Variants in EPHA6 observed in about 807,000 individuals in gnomAD.
EPHA6 encodes the protein EPH receptor A6, also known as ephrin type-A receptor 6.
EPHA6 carries 50 observed loss-of-function variants against 112.0 expected under a neutral mutation model. That is an observed-to-expected ratio of 0.45 (90% CI 0.36 to 0.56). The LOEUF is 0.56. Among genes scored for constraint, EPHA6 ranks in the 20% least tolerant of loss-of-function variants. The pLI, the probability that EPHA6 is intolerant of heterozygous loss-of-function variation, is 0.00. For synonymous variants in EPHA6, 529 were observed against 490.7 expected (o/e 1.08, Z -1.03); for missense variants, 1,280 against 1,417.4 (o/e 0.90, Z 1.56).
chr3:97,739,767 T>C (rs2035422917), intron 16 of EPHA6, among the ~76,000 whole-genome samples: 1 of 152,156 alleles, frequency 6.6e-6, no homozygotes, highest in South Asian at 2.1e-4. Flanking sequence ...GGCAGTATTA[T>C]AAGTATAACC....
At chr3:96,890,308 C>T (rs1445502718) in intron 2 of EPHA6, among the ~76,000 whole-genome samples, 1 of 151,886 alleles carries the variant, frequency 6.6e-6, no homozygotes, top group African/African-American at 2.4e-5. Flanking sequence ...TCCCACAAAC[C>T]AACAAGAAGA....
intron 3 of EPHA6, among the ~76,000 whole-genome samples, chr3:97,219,397 A>G (rs1020744167): frequency 8.5e-5 from 13 of 152,116 alleles, no homozygotes; most frequent in African/African-American, 2.4e-4. Context: ...TAATCCAGGC[A>G]TTTCCATACA....
intron 2 of EPHA6, among the ~76,000 whole-genome samples, chr3:96,942,001 G>A (rs547358892): frequency 9.2e-5 from 14 of 152,296 alleles, no homozygotes; most frequent in Non-Finnish European, 1.0e-4. Flanking sequence ...GTATGCAGTC[G>A]TGTGAGGTGT....
At chr3:97,496,101 C>T (rs1266696940) in intron 10 of EPHA6, among the ~76,000 whole-genome samples, 1 of 152,106 alleles carries the variant, frequency 6.6e-6, no homozygotes. Flanking sequence ...TTATTGCTTT[C>T]ATGGTGGACT....
chr3:97,577,308 C>T (rs547895399), intron 11 of EPHA6, among the ~76,000 whole-genome samples: 2 of 152,078 alleles, frequency 1.3e-5, no homozygotes, highest in Admixed American at 6.6e-5. Context: ...CCAAAGTAAA[C>T]AAATCTAAAG....
chr3:97,231,490 G>A (rs150774167), intron 4 of EPHA6, among the ~76,000 whole-genome samples: 1 of 152,298 alleles, frequency 6.6e-6, no homozygotes, highest in East Asian at 1.9e-4. Context: ...GCGTAGAAAT[G>A]TATTAATGTG....
chr3:97,508,273 T>A (rs2092295538), intron 10 of EPHA6, among the ~76,000 whole-genome samples: 1 of 152,146 alleles, frequency 6.6e-6, no homozygotes, highest in South Asian at 2.1e-4. Flanking sequence ...CAGTTTAGAT[T>A]TTTCCTGCTG....
At chr3:96,973,610 G>A (rs929714709) in intron 2 of EPHA6, among the ~76,000 whole-genome samples, 2 of 151,542 alleles carry the variant, frequency 1.3e-5, no homozygotes, top group African/African-American at 4.8e-5. Context: ...TTGCCTGAGG[G>A]TTCAGGAGTT....
intron 11 of EPHA6, among the ~76,000 whole-genome samples, chr3:97,543,178 G>C (rs1190463470): frequency 6.6e-6 from 1 of 152,166 alleles, no homozygotes; most frequent in African/African-American, 2.4e-5. Context: ...CCATGCCTAT[G>C]TCCTGAATGG....
chr3:97,567,712 C>A (rs779298181), intron 11 of EPHA6, among the ~76,000 whole-genome samples: 10 of 152,142 alleles, frequency 6.6e-5, no homozygotes. Flanking sequence ...ATACAAGGAA[C>A]ACTAAGGACT....
chr3:97,378,142 G>T (rs1008165888), intron 5 of EPHA6, among the ~76,000 whole-genome samples: 3 of 152,120 alleles, frequency 2.0e-5, no homozygotes, highest in Non-Finnish European at 2.9e-5. Context: ...TCTGTGTGCT[G>T]TCTAGGGACT....
At chr3:97,639,041 G>A (rs1047571793) in intron 14 of EPHA6, among the ~76,000 whole-genome samples, 1 of 151,896 alleles carries the variant, frequency 6.6e-6, no homozygotes, top group African/African-American at 2.4e-5. Flanking sequence ...TTAATATTGT[G>A]AAAGGAATAT....
Position 97,061,008 on chromosome 3 carries a change from C to T in EPHA6, c.1114+73015C>T, listed in dbSNP as rs147242064. On this transcript the variant is annotated intron_variant, in intron 3 of 17. Coordinates refer to ENST00000389672, the MANE Select transcript of EPHA6 (RefSeq NM_001080448.3). ...ATAAACCCAAGGATAAAAAGCTTAGCATAGAGAAACAGGTAATGGTGGCTT... is the reference window on the plus strand; with the variant it reads ...ATAAACCCAAGGATAAAAAGCTTAGTATAGAGAAACAGGTAATGGTGGCTT... Among the ~76,000 whole-genome samples the T allele has an allele frequency of 5.6e-4, 84 of 148,696 alleles. 1 individual carries two copies. The highest frequency in any genetic ancestry group is 1.3e-3 in the Admixed American group (19 of 14,912).
chr3:97,742,857 G>A (rs890894655), intron 16 of EPHA6, among the ~76,000 whole-genome samples: 1 of 151,960 alleles, frequency 6.6e-6, no homozygotes, highest in Non-Finnish European at 1.5e-5. Flanking sequence ...TTCTTCCAAG[G>A]GTATGTACAT....
At chr3:97,479,166 A>C in intron 8 of EPHA6, 128 bp from the exon 9 acceptor site, 1 of 555,316 alleles carries the variant, frequency 1.8e-6, no homozygotes, top group Non-Finnish European at 3.1e-6. Flanking sequence ...TTTTCACGTT[A>C]TAAAGATATT....
At chr3:97,055,163 A>T (rs2045812559) in intron 3 of EPHA6, among the ~76,000 whole-genome samples, 1 of 152,116 alleles carries the variant, frequency 6.6e-6, no homozygotes, top group Admixed American at 6.6e-5. Flanking sequence ...TAAATATGAA[A>T]GTTACTGTGT....
intron 2 of EPHA6, among the ~76,000 whole-genome samples, chr3:96,911,470 G>T (rs2039209511): frequency 1.3e-5 from 2 of 151,896 alleles, no homozygotes; most frequent in South Asian, 2.1e-4. Flanking sequence ...TATGAAAAAT[G>T]CAGACAAGCT....
At chr3:97,326,053 A>G (rs2082404920) in intron 5 of EPHA6, among the ~76,000 whole-genome samples, 1 of 152,090 alleles carries the variant, frequency 6.6e-6, no homozygotes, top group African/African-American at 2.4e-5. Flanking sequence ...TATTACATGC[A>G]CAATATATTG....
At chr3:97,260,963 CCA>C (rs1434918272) in intron 5 of EPHA6, among the ~76,000 whole-genome samples, 19 of 152,168 alleles carry the variant, frequency 1.2e-4, no homozygotes, top group African/African-American at 3.6e-4. Flanking sequence ...AACACCACAA[CCA>C]CAGTGTTTAA....
Sources: allele counts gnomAD v4.1 joint callset (sites outside exome capture counted in the v4.1 genomes callset), GRCh38; gene constraint gnomAD v4.1.1; transcripts MANE v1.5; gene names NCBI Gene and HGNC (gene_info 2026-07-23, HGNC 2026-07-21).